Variants in GAP43 observed in about 807,000 individuals in gnomAD.
GAP43 encodes growth associated protein 43.
Under a neutral mutation model 18.6 loss-of-function variants are expected in GAP43, and 6 were observed. The observed-to-expected ratio is 0.32, with a 90% CI of 0.18 to 0.64. GAP43 has a LOEUF of 0.64. GAP43 is among the 30% of genes least tolerant of loss of function. The probability of loss-of-function intolerance (pLI) is 0.78; values close to 1 mark genes in which losing one functional copy is unlikely to be tolerated. For missense variants in GAP43, 292 were observed against 295.5 expected, an observed-to-expected ratio of 0.99 and a Z score of 0.09; for synonymous variants, 115 against 111.4, an observed-to-expected ratio of 1.03 and a Z score of -0.20.
chr3:115,690,245 T>A (rs1014956972), intron 2 of GAP43, among the ~76,000 whole-genome samples: 2 of 142,098 alleles, frequency 1.4e-5, no homozygotes, highest in African/African-American at 5.2e-5. Flanking sequence ...CCCACCATTG[T>A]CTGAGCCCTT....
chr3:115,696,588 C>CCCT (rs1553724446), intron 2 of GAP43, among the ~76,000 whole-genome samples: 2 of 130,432 alleles, frequency 1.5e-5, no homozygotes, highest in African/African-American at 6.0e-5. Flanking sequence ...GCCCCCCCCC[C>CCCT]CCACAAACAG....
Position 115,623,659 on chromosome 3 carries a change from A to G in GAP43, c.-31A>G. 2 of 1,613,610 alleles carry G rather than the reference A, an allele frequency of 1.2e-6. No individual in the cohort carries two copies. Among genetic ancestry groups the G allele is most frequent in the African/African-American group, 2.7e-5 (2 of 75,050 alleles). ...GAAAGAGAGAGAAGGAAAGGAGAGA[A>G]GGCAGGAAGAAGGCAAGGGACGAGA... On this transcript the variant is annotated 5_prime_UTR_variant, in exon 1 of 3. Transcript: ENST00000305124.
At chr3:115,717,176 G>C (rs1315953121) in intron 2 of GAP43, among the ~76,000 whole-genome samples, 2 of 152,112 alleles carry the variant, frequency 1.3e-5, no homozygotes, top group Non-Finnish European at 2.9e-5. Context: ...TCCTGAATGA[G>C]GTTATGTGCT....
At chr3:115,636,659 C>T (rs1224527044) in intron 1 of GAP43, among the ~76,000 whole-genome samples, 1 of 152,056 alleles carries the variant, frequency 6.6e-6, no homozygotes, top group Admixed American at 6.6e-5. Flanking sequence ...ACGTTTAATC[C>T]CCCCTTTCCC....
chr3:115,668,426 T>TTTTA (rs1226745093), intron 1 of GAP43, among the ~76,000 whole-genome samples: 1 of 152,108 alleles, frequency 6.6e-6, no homozygotes, highest in African/African-American at 2.4e-5. Flanking sequence ...TTTTCACCAC[T>TTTTA]TTTATTTATT....
At position 115,623,608 on chromosome 3, in the gene GAP43, A is replaced by T; in HGVS notation, c.-82A>T. The T allele has an allele frequency of 6.4e-7, 1 of 1,571,832 alleles. No individual in the cohort carries two copies. The highest frequency in any genetic ancestry group is 1.7e-4 in the Middle Eastern group (1 of 5,986). On this transcript the variant is annotated 5_prime_UTR_variant, in exon 1 of 3. Transcript: ENST00000305124. ...AGAGAGCGAGTGAGCAAGCGAGCAG[A>T]AAAGAGGTGGAGAGGGGGGGAATAA... is the stretch of plus-strand genomic sequence containing the variant.
intron 2 of GAP43, among the ~76,000 whole-genome samples, chr3:115,707,832 T>C (rs1577001770): frequency 2.0e-5 from 3 of 152,148 alleles, no homozygotes; most frequent in South Asian, 4.1e-4. Context: ...GGTTCCTTTT[T>C]ATAATCCAAT....
intron 2 of GAP43, among the ~76,000 whole-genome samples, chr3:115,693,044 C>G (rs1709134374): frequency 6.6e-6 from 1 of 152,142 alleles, no homozygotes; most frequent in South Asian, 2.1e-4. Context: ...ACACGCCTGC[C>G]TTCCACTCAG....
chr3:115,657,107 A>C (rs1423766048), intron 1 of GAP43, among the ~76,000 whole-genome samples: 1 of 152,212 alleles, frequency 6.6e-6, no homozygotes, highest in Admixed American at 6.5e-5. Context: ...AGATAAATGA[A>C]AGGAGGGATG....
chr3:115,703,660 A>C (rs1357990334), intron 2 of GAP43, among the ~76,000 whole-genome samples: 2 of 152,074 alleles, frequency 1.3e-5, no homozygotes, highest in Non-Finnish European at 1.5e-5. Context: ...TTAGATGTAA[A>C]GTATGTCTTG....
At chr3:115,705,126 T>C (rs1709343771) in intron 2 of GAP43, among the ~76,000 whole-genome samples, 2 of 152,200 alleles carry the variant, frequency 1.3e-5, no homozygotes, top group Admixed American at 1.3e-4. Context: ...AAACACATCA[T>C]GCCGAACCAC....
At chr3:115,667,482 A>T (rs959448661) in intron 1 of GAP43, among the ~76,000 whole-genome samples, 2 of 152,264 alleles carry the variant, frequency 1.3e-5, no homozygotes, top group Non-Finnish European at 2.9e-5. Context: ...TTGTTATAGT[A>T]GGAAGACTGT....
intron 2 of GAP43, among the ~76,000 whole-genome samples, chr3:115,696,190 A>C (rs1259005163): frequency 6.6e-6 from 1 of 152,136 alleles, no homozygotes; most frequent in Non-Finnish European, 1.5e-5. Context: ...TAGATACCTC[A>C]AATTAAATCT....
At chr3:115,652,321 T>C (rs1390738337) in intron 1 of GAP43, among the ~76,000 whole-genome samples, 1 of 150,794 alleles carries the variant, frequency 6.6e-6, no homozygotes, top group Non-Finnish European at 1.5e-5. Context: ...TACATCTCTA[T>C]ATTCCTGTAT....
intron 2 of GAP43, among the ~76,000 whole-genome samples, chr3:115,716,763 T>TATAC (rs1709512559): frequency 1.0e-5 from 1 of 96,742 alleles, no homozygotes; most frequent in Non-Finnish European, 2.1e-5. Context: ...TATATATATA[T>TATAC]ATATACAGAG....
chr3:115,643,204 T>G (rs1246788397), intron 1 of GAP43, among the ~76,000 whole-genome samples: 1 of 152,088 alleles, frequency 6.6e-6, no homozygotes, highest in Non-Finnish European at 1.5e-5. Flanking sequence ...CAGTCACTTT[T>G]TATCTTCAAG....
intron 2 of GAP43, among the ~76,000 whole-genome samples, chr3:115,692,747 C>T (rs1709130020): frequency 6.6e-6 from 1 of 152,056 alleles, no homozygotes; most frequent in African/African-American, 2.4e-5. Context: ...TTTTACTTCA[C>T]CATATTATTT....
chr3:115,693,090 T>C (rs1709134960), intron 2 of GAP43, among the ~76,000 whole-genome samples: 1 of 152,100 alleles, frequency 6.6e-6, no homozygotes, highest in Non-Finnish European at 1.5e-5. Flanking sequence ...ACTGGTGCCC[T>C]CTGCTGGGAT....
At chr3:115,709,170 G>A (rs1442108981) in intron 2 of GAP43, among the ~76,000 whole-genome samples, 1 of 152,022 alleles carries the variant, frequency 6.6e-6, no homozygotes, top group Admixed American at 6.6e-5. Context: ...TTGATTAATG[G>A]GAACCTCTTT....
Sources: gnomAD v4.1 joint callset for allele counts (sites outside exome capture counted in the v4.1 genomes callset) on GRCh38, gnomAD v4.1.1 for gene constraint, MANE v1.5 for transcripts, NCBI Gene and HGNC (gene_info 2026-07-23, HGNC 2026-07-21) for gene names.